GAS6: variants seen among roughly 807,000 people sequenced by gnomAD.
GAS6 encodes the protein growth arrest specific 6.
Under a neutral mutation model 75.8 loss-of-function variants are expected in GAS6, and 41 were observed. That is an observed-to-expected ratio of 0.54 (90% CI 0.42 to 0.70). The LOEUF (loss-of-function observed/expected upper bound fraction) is 0.70. Ranked by LOEUF, GAS6 falls within the 30% of genes least tolerant of loss-of-function variation. The pLI is 0.00. For missense variants in GAS6, 854 were observed against 940.2 expected, an observed-to-expected ratio of 0.91 and a Z score of 1.20; for synonymous variants, 432 against 412.6, an observed-to-expected ratio of 1.05 and a Z score of -0.57.
Position 113,827,015 on chromosome 13 carries a change from G to A in GAS6, c.1458C>T (p.Ala486=). The A allele has an allele frequency of 6.2e-7, 1 of 1,613,156 alleles. No individual in the cohort carries two copies. Among genetic ancestry groups the A allele is most frequent in the Non-Finnish European group, 8.5e-7 (1 of 1,179,954 alleles). The change falls in exon 12 of 15, where the codon GCC becomes GCT. Residue 486 remains alanine (A), a synonymous_variant. Coordinates refer to ENST00000327773, the MANE Select transcript of GAS6 (RefSeq NM_000820.4). ...RGSFYPGSGF[A]FYSLDYMRTP... ...ACTTACTGTAGTCCAGGCTGTAGAA[G>A]GCGAAGCCGCTCCCGGGGTAGAAAG...
At chr13:113,855,755 C>T (rs2051909496) in intron 2 of GAS6, among the ~76,000 whole-genome samples, 1 of 152,204 alleles carries the variant, frequency 6.6e-6, no homozygotes, top group Admixed American at 6.5e-5. Context: ...ACTGCGACCA[C>T]CACCAATAGT....
At chr13:113,832,178 G>A (rs998442023) in intron 10 of GAS6, 121 bp downstream of exon 10, 35 of 1,165,424 alleles carry the variant, frequency 3.0e-5, no homozygotes, top group East Asian at 1.3e-4. Flanking sequence ...CCGTCCTGCC[G>A]GCACGCAGCA....
At chr13:113,862,554 G>C (rs1197593130) in intron 2 of GAS6, among the ~76,000 whole-genome samples, 1 of 152,240 alleles carries the variant, frequency 6.6e-6, no homozygotes, top group Non-Finnish European at 1.5e-5. Flanking sequence ...GTGGGGCTGT[G>C]GGCAGCCCCC....
In GAS6 at chr13:113,828,649, T is replaced by C. The variant is rs753834414; in HGVS notation, c.1206A>G (p.Lys402=). The part of the protein sequence containing the change: ...VIKVNRDAVM[K]IAVAGDLFQP... ...GGAACAAGTCCCCGGCCACCGCGAT[T>C]TTCATGACAGCATCCCTGTTGACCT... Residue 402 remains lysine (K), a synonymous_variant, in exon 11 of 15, where the codon AAA becomes AAG. Transcript: ENST00000327773. The C allele has an allele frequency of 7.0e-5, 113 of 1,613,496 alleles. No individual in the cohort carries two copies. Among genetic ancestry groups the C allele is most frequent in the Non-Finnish European group, 9.2e-5 (108 of 1,180,010 alleles).
chr13:113,863,908 G>T lies in GAS6; in HGVS notation c.13C>A (p.Leu5Ile). MAPS[L>I]SPGPAALRRA... ...CGCAGGGCGGCGGGCCCGGGCGAGA[G>T]CGAAGGGGCCATGGCGGGCCGGGGA... Residue 5 changes from leucine to isoleucine, a missense_variant, in exon 1 of 15, where the codon CTC (leucine) becomes ATC (isoleucine). Transcript: ENST00000327773. This position sits in a 1 kb window ranked among gnomAD's most constrained non-coding sequence, Gnocchi z 9.4. 1.7e-6 allele frequency: 2 copies of T among 1,176,036 alleles called. No homozygotes were observed. Among genetic ancestry groups the T allele is most frequent in the Non-Finnish European group, 2.1e-6 (2 of 953,986 alleles). The allele number at this position is 1,176,036 out of a possible 1,614,324, so 72.9% of individuals were successfully genotyped here. A position where few individuals can be genotyped will look rare whatever the true frequency, so the allele number is the denominator to read the frequency against.
At position 113,835,583 on chromosome 13, in the gene GAS6, G is replaced by A. The variant is rs372349154; in HGVS notation, c.642C>T (p.Asn214=). Residue 214 remains asparagine, a synonymous_variant, in exon 7 of 15, where the codon AAC becomes AAT. Transcript: ENST00000327773. ...SEACGEARCK[N]LPGSYSCLCD... ...AGAGGCAGGAGTAGGAGCCGGGCAG[G>A]TTCTTGCAGCGCGCCTCCCCGCAGG... 2 of 1,612,532 alleles carry A rather than the reference G, an allele frequency of 1.2e-6. No homozygotes were observed. The highest frequency in any genetic ancestry group is 1.7e-6 in the Non-Finnish European group (2 of 1,179,892).
At chr13:113,821,070 C>G (rs552405031) in intron 14 of GAS6, 52 bp from the exon 15 acceptor site, 33 of 1,583,392 alleles carry the variant, frequency 2.1e-5, no homozygotes, top group Non-Finnish European at 2.7e-5. Context: ...TGGCCGGCCC[C>G]GCCTGGCCCC....
At chr13:113,841,817 C>T (rs749139251) in intron 4 of GAS6, 8 of 76,226 alleles carry the variant, frequency 1.0e-4, no homozygotes, top group South Asian at 7.3e-4. Flanking sequence ...CCACAGTTTC[C>T]TCCATACGCC....
At chr13:113,835,070 TCCC>T (rs2051684867) in intron 7 of GAS6, among the ~76,000 whole-genome samples, 1 of 152,200 alleles carries the variant, frequency 6.6e-6, no homozygotes, top group Admixed American at 6.5e-5. Context: ...AGCCTGGGCT[TCCC>T]CACCCTCTCT....
chr13:113,852,160 C>T (rs2051881249), intron 2 of GAS6, among the ~76,000 whole-genome samples: 1 of 152,240 alleles, frequency 6.6e-6, no homozygotes, highest in African/African-American at 2.4e-5. Context: ...AATTCGTAAA[C>T]TTTCTTAAAA....
intron 4 of GAS6, among the ~76,000 whole-genome samples, chr13:113,846,144 C>T (rs754376134): frequency 1.3e-5 from 2 of 152,200 alleles, no homozygotes; most frequent in East Asian, 1.9e-4. Flanking sequence ...TGCAGAGGCA[C>T]GGGACAGACC....
At chr13:113,838,009 T>A (rs2051734649) in intron 6 of GAS6, 60 bp downstream of exon 6, 7 of 1,596,254 alleles carry the variant, frequency 4.4e-6, no homozygotes, top group Middle Eastern at 1.7e-4. Context: ...AGAGCAGACA[T>A]GACCGAAAAT....
rs148239340 is a variant in GAS6 at position 113,837,912 on chromosome 13, C to T, written c.589+157G>A. 2.6e-5 allele frequency among the ~76,000 whole-genome samples: 4 copies of T among 152,228 alleles called. No homozygotes were observed. The highest frequency in any genetic ancestry group is 6.5e-5 in the Admixed American group (1 of 15,304). ...TGGTGCCGAGCAGCTCCCTGTGCTG[C>T]GGCTGGCCTGGGCTTGTGTAGTCTC... On this transcript the variant is annotated intron_variant, in intron 6 of 14. Coordinates refer to ENST00000327773, the MANE Select transcript of GAS6 (RefSeq NM_000820.4). The surrounding 1 kb of genome is among the most constrained non-coding windows in gnomAD (Gnocchi z 5.1).
At chr13:113,839,649 G>T (rs554332113) in intron 5 of GAS6, 79 bp downstream of exon 5, 2 of 1,560,858 alleles carry the variant, frequency 1.3e-6, no homozygotes, top group East Asian at 4.6e-5. Context: ...GCCGTGCCCC[G>T]GAGTGGGAGT....
chr13:113,839,635 G>A, intron 5 of GAS6, 93 bp downstream of exon 5: 1 of 1,519,942 alleles, frequency 6.6e-7, no homozygotes, highest in South Asian at 1.2e-5. Context: ...GCAGCCTGAG[G>A]ATGGCCGTGC....
At chr13:113,862,381 C>T (rs1034643306) in intron 2 of GAS6, among the ~76,000 whole-genome samples, 6 of 152,232 alleles carry the variant, frequency 3.9e-5, no homozygotes, top group African/African-American at 7.2e-5. Flanking sequence ...ACCAGCCACA[C>T]GACCAACCCC....
chr13:113,822,115 G>T lies in GAS6; in HGVS notation c.1725C>A (p.His575Gln). Reference protein sequence around the residue: ...MEIKVCDGQEHVVTVSLRDGE... With the variant: ...MEIKVCDGQEQVVTVSLRDGE... ...CGTCCCTCAGCGAGACGGTGACCACGTGCTCTTGGCCGTCGCAGACCTTGA... is the reference window on the plus strand; with the variant it reads ...CGTCCCTCAGCGAGACGGTGACCACTTGCTCTTGGCCGTCGCAGACCTTGA... Residue 575 changes from histidine (H) to glutamine (Q), a missense_variant, in exon 14 of 15, where the codon CAC (histidine) becomes CAA (glutamine). His to Gln is a conservative substitution (Grantham distance 24). Transcript: ENST00000327773. 1 of 1,601,102 alleles carries T rather than the reference G, an allele frequency of 6.2e-7. No individual in the cohort carries two copies. Among genetic ancestry groups the T allele is most frequent in the Non-Finnish European group, 8.5e-7 (1 of 1,175,522 alleles).
chr13:113,834,455 G>A, intron 8 of GAS6, 96 bp downstream of exon 8: 2 of 1,289,176 alleles, frequency 1.6e-6, no homozygotes, highest in African/African-American at 1.5e-5. Flanking sequence ...CCTTAGCAAA[G>A]GCCAGGTCTT....
rs765158278 is a variant in GAS6, at chr13:113,842,694, G to A, written c.344-2844C>T. The A allele has an allele frequency of 1.1e-4, 44 of 397,086 alleles. 1 individual carries two copies. Among genetic ancestry groups the A allele is most frequent in the South Asian group, 3.8e-4 (3 of 7,860 alleles). The allele number at this position is 397,086 out of a possible 1,614,324, so 24.6% of individuals were successfully genotyped here. On this transcript the variant is annotated intron_variant, in intron 4 of 14. Coordinates refer to ENST00000327773, the MANE Select transcript of GAS6 (RefSeq NM_000820.4). ...CGGCCTGTGCAGGGCCCAACCCTCC[G>A]GCACCAGAACCTGACCTCCTCAGAG...
Sources: gnomAD v4.1 joint callset for allele counts (sites outside exome capture counted in the v4.1 genomes callset) on GRCh38, gnomAD v4.1.1 for gene constraint, Gnocchi (gnomAD v3.1) non-coding constraint, MANE v1.5 for transcripts, NCBI Gene and HGNC (gene_info 2026-07-23, HGNC 2026-07-21) for gene names.